Variants in BBS9 observed in about 807,000 individuals in gnomAD.
BBS9 encodes protein PTHB1.
In BBS9, 89 loss-of-function variants were observed where a neutral mutation model predicts 117.7. The ratio of observed to expected loss-of-function variants is 0.76; its 90% CI spans 0.64 to 0.90. The LOEUF is 0.90. Ranked by LOEUF, BBS9 falls within the 40% of genes least tolerant of loss-of-function variation. The pLI is 0.00. For missense variants in BBS9, 982 were observed against 1,042.2 expected (o/e 0.94, Z 0.80); for synonymous variants, 379 against 370.9 (o/e 1.02, Z -0.25).
intron 21 of BBS9, among the ~76,000 whole-genome samples, chr7:33,571,622 G>A (rs1857806832): frequency 6.6e-6 from 1 of 151,748 alleles, no homozygotes; most frequent in African/African-American, 2.4e-5. Flanking sequence ...GGCTACAGAG[G>A]AAGTTTATAT....
At chr7:33,418,392 G>A (rs1479801030) in intron 19 of BBS9, among the ~76,000 whole-genome samples, 3 of 152,174 alleles carry the variant, frequency 2.0e-5, no homozygotes, top group African/African-American at 7.2e-5. Context: ...GGGAGACTGA[G>A]TGTGTGGCCA....
intron 5 of BBS9, among the ~76,000 whole-genome samples, chr7:33,200,478 T>C (rs1785658158): frequency 6.6e-6 from 1 of 152,190 alleles, no homozygotes; most frequent in Admixed American, 6.5e-5. Context: ...ATATTACTCA[T>C]TGTAGAGTAC....
chr7:33,496,351 A>G (rs1844710179), intron 19 of BBS9, among the ~76,000 whole-genome samples: 1 of 152,030 alleles, frequency 6.6e-6, no homozygotes, highest in Non-Finnish European at 1.5e-5. Flanking sequence ...TAAAACTACA[A>G]AAAATTAGCT....
intron 19 of BBS9, among the ~76,000 whole-genome samples, chr7:33,469,584 G>A (rs189184541): frequency 2.6e-5 from 4 of 152,258 alleles, no homozygotes; most frequent in South Asian, 2.1e-4. Flanking sequence ...AATGGTTGAC[G>A]AAGTGGGAAA....
At chr7:33,179,273 A>G (rs1370338978) in intron 5 of BBS9, among the ~76,000 whole-genome samples, 5 of 152,230 alleles carry the variant, frequency 3.3e-5, no homozygotes, top group Admixed American at 3.3e-4. Context: ...TTTAGGTCAC[A>G]TCAAATGTTA....
At chr7:33,155,968 G>A (rs756645712) in intron 4 of BBS9, among the ~76,000 whole-genome samples, 2 of 152,046 alleles carry the variant, frequency 1.3e-5, no homozygotes, top group African/African-American at 2.4e-5. Context: ...AATTGTTTCC[G>A]GGATTGCCTG....
At chr7:33,477,391 T>G (rs773499485) in intron 19 of BBS9, among the ~76,000 whole-genome samples, 11 of 152,212 alleles carry the variant, frequency 7.2e-5, no homozygotes, top group Non-Finnish European at 1.5e-4. Flanking sequence ...TCCATTTGAA[T>G]GTATCCTCCC....
At chr7:33,138,240 G>A (rs1790855943) in intron 1 of BBS9, among the ~76,000 whole-genome samples, 1 of 151,546 alleles carries the variant, frequency 6.6e-6, no homozygotes, top group Non-Finnish European at 1.5e-5. Flanking sequence ...AAAATGAGAG[G>A]ACCAGCTGAT....
intron 16 of BBS9, among the ~76,000 whole-genome samples, chr7:33,367,225 A>AGG (rs1821942738): frequency 6.6e-6 from 1 of 152,192 alleles, no homozygotes; most frequent in Non-Finnish European, 1.5e-5. Context: ...AAATATTTTA[A>AGG]ATAAATAGAG....
intron 21 of BBS9, among the ~76,000 whole-genome samples, chr7:33,542,973 C>G (rs1460152446): frequency 6.6e-6 from 1 of 152,010 alleles, no homozygotes. Flanking sequence ...CTGGGTAGAT[C>G]CCCAGTAGTG....
rs924794485 is a variant in BBS9 at position 33,480,152 on chromosome 7, A to C, written c.2116-25311A>C. On this transcript the variant is annotated intron_variant, in intron 19 of 22. Coordinates refer to ENST00000242067, the MANE Select transcript of BBS9 (RefSeq NM_198428.3). ...CTCAATAAAGGTTTTAGGTAAGTGG[A>C]AACAACTTAGAGATATGAGGAACAG... Among the ~76,000 whole-genome samples, 4 of 152,322 alleles carry C rather than the reference A, an allele frequency of 2.6e-5. No individual in the cohort carries two copies. In the East Asian group the frequency reaches 7.7e-4, roughly 29 times the overall value.
intron 19 of BBS9, among the ~76,000 whole-genome samples, chr7:33,416,045 GCTGGT>G (rs1166494471): frequency 6.6e-6 from 1 of 151,980 alleles, no homozygotes; most frequent in Non-Finnish European, 1.5e-5. Flanking sequence ...TGTTGCCCAG[GCTGGT>G]CTCAAATTCC....
intron 17 of BBS9, among the ~76,000 whole-genome samples, chr7:33,372,767 G>C (rs954828982): frequency 7.2e-5 from 11 of 152,156 alleles, no homozygotes; most frequent in African/African-American, 2.7e-4. Context: ...GAATTCAGCA[G>C]TGAAGCCCTC....
chr7:33,408,586 C>T (rs376178022), intron 19 of BBS9, among the ~76,000 whole-genome samples: 1 of 152,162 alleles, frequency 6.6e-6, no homozygotes, highest in Non-Finnish European at 1.5e-5. Flanking sequence ...CTTGGCTCCT[C>T]CCACATTTTC....
intron 17 of BBS9, among the ~76,000 whole-genome samples, chr7:33,379,640 T>C (rs982491546): frequency 1.3e-5 from 2 of 152,234 alleles, no homozygotes; most frequent in African/African-American, 4.8e-5. Context: ...GTTTTGTATC[T>C]GCTATGTGAA....
chr7:33,141,903 C>T (rs1436295733), intron 1 of BBS9, among the ~76,000 whole-genome samples: 1 of 151,600 alleles, frequency 6.6e-6, no homozygotes, highest in African/African-American at 2.4e-5. Context: ...CTCTTGCAGT[C>T]TATCCAAGTT....
chr7:33,549,056 A>G (rs184319885), intron 21 of BBS9, among the ~76,000 whole-genome samples: 2,024 of 150,684 alleles, frequency 0.013, 19 homozygotes, highest in Non-Finnish European at 0.018. Context: ...CCAAAACAGC[A>G]TGGTACTGGT....
intron 10 of BBS9, among the ~76,000 whole-genome samples, chr7:33,339,846 C>T (rs1816144215): frequency 6.6e-6 from 1 of 151,980 alleles, no homozygotes; most frequent in Admixed American, 6.6e-5. Flanking sequence ...TTGGATTTGA[C>T]CGTGGAGCCT....
At chr7:33,308,642 C>T (rs552080793) in intron 9 of BBS9, among the ~76,000 whole-genome samples, 3 of 152,280 alleles carry the variant, frequency 2.0e-5, no homozygotes, top group African/African-American at 7.2e-5. Flanking sequence ...TAATGATTCT[C>T]CATCTCAGTC....
Sources: gnomAD v4.1 joint callset for allele counts (sites outside exome capture counted in the v4.1 genomes callset) on GRCh38, gnomAD v4.1.1 for gene constraint, MANE v1.5 for transcripts, NCBI Gene and HGNC (gene_info 2026-07-23, HGNC 2026-07-21) for gene names.